The following PTGES3 variants were observed in gnomAD, a reference collection of about 807,000 sequenced individuals.
The protein encoded by PTGES3 is prostaglandin E synthase 3, also known as Hsp90 co-chaperone.
In PTGES3, 5 loss-of-function variants were observed where a neutral mutation model predicts 29.9. The ratio of observed to expected loss-of-function variants is 0.17; its 90% CI spans 0.09 to 0.35. PTGES3 has a LOEUF of 0.35. PTGES3 is among the 10% of genes least tolerant of loss of function. The pLI is 1.00. For synonymous variants in PTGES3, 49 were observed against 57.8 expected (o/e 0.85, Z 0.69); for missense variants, 128 against 190.0 (o/e 0.67, Z 1.92).
chr12:56,683,745 A>G, intron 1 of PTGES3, among the ~76,000 whole-genome samples: 1 of 151,676 alleles, frequency 6.6e-6, no homozygotes, highest in Non-Finnish European at 1.5e-5. Flanking sequence ...GGATCACGAG[A>G]TCAGGAGATC....
intron 1 of PTGES3, among the ~76,000 whole-genome samples, chr12:56,677,401 G>A (rs1186120646): frequency 6.6e-6 from 1 of 152,116 alleles, no homozygotes; most frequent in African/African-American, 2.4e-5. Context: ...GGTGTCTGAG[G>A]AGTTTTGTTG....
At chr12:56,678,149 T>C (rs1429272614) in intron 1 of PTGES3, among the ~76,000 whole-genome samples, 2 of 152,156 alleles carry the variant, frequency 1.3e-5, no homozygotes, top group Admixed American at 1.3e-4. Flanking sequence ...TGATGTCTCA[T>C]TCCTCACATA....
intron 6 of PTGES3, 162 bp from the exon 7 acceptor site, chr12:56,664,962 C>G: frequency 2.0e-6 from 2 of 985,286 alleles, no homozygotes; most frequent in Non-Finnish European, 2.4e-6. Flanking sequence ...CTAGGTTTAC[C>G]TAAGGTGAAT....
chr12:56,674,995 A>C, intron 1 of PTGES3, among the ~76,000 whole-genome samples: 1 of 69,036 alleles, frequency 1.4e-5, no homozygotes, highest in Non-Finnish European at 2.7e-5. Context: ...CAAGAGTGAA[A>C]CTCGGTCTCA....
intron 1 of PTGES3, among the ~76,000 whole-genome samples, chr12:56,680,733 A>T (rs1039594344): frequency 6.6e-6 from 1 of 151,556 alleles, no homozygotes; most frequent in Non-Finnish European, 1.5e-5. Context: ...CTGATTCAGG[A>T]TAAGTGTAGG....
chr12:56,664,523 G>C (rs369834641), intron 7 of PTGES3, 25 bp from the exon 8 acceptor site: 4 of 1,589,808 alleles, frequency 2.5e-6, no homozygotes, highest in African/African-American at 1.3e-5. Context: ...AAAAATATTA[G>C]TATATAGTAC....
chr12:56,668,237 G>A (rs1951860849), intron 5 of PTGES3, among the ~76,000 whole-genome samples: 1 of 152,186 alleles, frequency 6.6e-6, no homozygotes, highest in Non-Finnish European at 1.5e-5. Flanking sequence ...AATGAAATGA[G>A]TAACTGGGAG....
chr12:56,673,095 G>T, intron 1 of PTGES3, 30 bp from the exon 2 acceptor site: 1 of 1,473,234 alleles, frequency 6.8e-7, no homozygotes, highest in Non-Finnish European at 9.3e-7. Flanking sequence ...GGAAAGTCAA[G>T]CTGGAATTCA....
intron 1 of PTGES3, among the ~76,000 whole-genome samples, chr12:56,676,920 C>CAAAAAAAAAAAA (rs34739170): frequency 9.9e-5 from 5 of 50,552 alleles, no homozygotes; most frequent in African/African-American, 4.1e-4. Context: ...GATTCCGACT[C>CAAAAAAAAAAAA]AAAAAAAAAA....
At chr12:56,687,567 C>T in intron 1 of PTGES3, 1 of 1,028,776 alleles carries the variant, frequency 9.7e-7, no homozygotes, top group Non-Finnish European at 1.2e-6. Flanking sequence ...GCACCCACCA[C>T]AGGTGCACTC....
intron 1 of PTGES3, among the ~76,000 whole-genome samples, chr12:56,677,107 G>T (rs1952291141): frequency 6.6e-6 from 1 of 151,680 alleles, no homozygotes; most frequent in Admixed American, 6.6e-5. Context: ...GGGCATGGTG[G>T]TGCACACCTG....
At chr12:56,679,677 GT>G (rs978814846) in intron 1 of PTGES3, among the ~76,000 whole-genome samples, 2 of 151,728 alleles carry the variant, frequency 1.3e-5, no homozygotes, top group Non-Finnish European at 2.9e-5. Context: ...TTTTGGGTTT[GT>G]TTTTTTAGAC....
chr12:56,683,579 G>A (rs1952666039), intron 1 of PTGES3, among the ~76,000 whole-genome samples: 1 of 150,740 alleles, frequency 6.6e-6, no homozygotes, highest in Non-Finnish European at 1.5e-5. Context: ...CAACCCAGAA[G>A]GCGGAGGTTG....
At chr12:56,686,821 TATACTC>T (rs1952885644) in intron 1 of PTGES3, 1 of 398,288 alleles carries the variant, frequency 2.5e-6, no homozygotes, top group East Asian at 3.6e-5. Flanking sequence ...TTCTAGCCAA[TATACTC>T]AGCCTCAGTA....
At chr12:56,680,726 A>G (rs1952492975) in intron 1 of PTGES3, among the ~76,000 whole-genome samples, 1 of 151,364 alleles carries the variant, frequency 6.6e-6, no homozygotes, top group Non-Finnish European at 1.5e-5. Context: ...TTTATTCCTG[A>G]TTCAGGATAA....
intron 1 of PTGES3, among the ~76,000 whole-genome samples, chr12:56,680,862 T>TAAGTC (rs1240254417): frequency 6.6e-6 from 1 of 151,768 alleles, no homozygotes; most frequent in Non-Finnish European, 1.5e-5. Flanking sequence ...CACACAGCCT[T>TAAGTC]GACTTCGCAG....
At position 56,688,274 on chromosome 12, in the gene PTGES3, G is replaced by C. The variant is rs17445108; in HGVS notation, c.-275C>G. 4 of 498,662 alleles carry C rather than the reference G, an allele frequency of 8.0e-6. No homozygotes were observed. The highest frequency in any genetic ancestry group is 4.5e-5 in the South Asian group (1 of 22,300). 30.9% of individuals were successfully genotyped at this position (498,662 alleles called of 1,614,324 possible). On this transcript the variant is annotated 5_prime_UTR_variant, in exon 1 of 8. Coordinates refer to ENST00000262033, the MANE Select transcript of PTGES3 (RefSeq NM_006601.7). ...AATGAACGTGCGTGCGTGCAAACGA[G>C]GGGTGGTGAGGCCGGGCGGCGGCTG... is the stretch of plus-strand genomic sequence containing the variant.
chr12:56,671,301 G>A (rs1322750521), intron 4 of PTGES3, among the ~76,000 whole-genome samples: 1 of 152,114 alleles, frequency 6.6e-6, no homozygotes, highest in Admixed American at 6.6e-5. Flanking sequence ...GGGGGACTGA[G>A]GAGGGAGGAT....
chr12:56,679,965 G>A (rs920451552), intron 1 of PTGES3, among the ~76,000 whole-genome samples: 3 of 151,918 alleles, frequency 2.0e-5, no homozygotes, highest in Middle Eastern at 3.4e-3. Flanking sequence ...ATGAGCCACC[G>A]CACCCAGCCC....
Sources: gnomAD v4.1 joint callset for allele counts (sites outside exome capture counted in the v4.1 genomes callset) on GRCh38, gnomAD v4.1.1 for gene constraint, MANE v1.5 for transcripts, NCBI Gene and HGNC (gene_info 2026-07-23, HGNC 2026-07-21) for gene names.